CDH3: variants seen among roughly 807,000 people sequenced by gnomAD.
The protein encoded by CDH3 is cadherin 3, also known as cadherin-3.
Under a neutral mutation model 82.0 loss-of-function variants are expected in CDH3, and 54 were observed. The observed-to-expected ratio is 0.66, with a 90% CI of 0.53 to 0.83. CDH3 has a LOEUF of 0.83. Among genes scored for constraint, CDH3 ranks in the 40% least tolerant of loss-of-function variants. The pLI, the probability that CDH3 is intolerant of heterozygous loss-of-function variation, is 0.00. For missense variants in CDH3, 1,054 were observed against 1,084.6 expected (o/e 0.97, Z 0.40); for synonymous variants, 446 against 437.9 (o/e 1.02, Z -0.23).
intron 2 of CDH3, among the ~76,000 whole-genome samples, chr16:68,660,610 C>G (rs1044183656): frequency 6.6e-6 from 1 of 152,130 alleles, no homozygotes; most frequent in Non-Finnish European, 1.5e-5. Flanking sequence ...TCAAATATTG[C>G]TGCACTAAAG....
At chr16:68,668,399 T>C (rs1960795350) in intron 2 of CDH3, among the ~76,000 whole-genome samples, 1 of 152,176 alleles carries the variant, frequency 6.6e-6, no homozygotes, top group South Asian at 2.1e-4. Context: ...TGATGAGACC[T>C]GGTTTCGTAT....
chr16:68,714,081 A>G (rs1161389588), intron 1 of CDH3, among the ~76,000 whole-genome samples: 1 of 151,912 alleles, frequency 6.6e-6, no homozygotes, highest in Non-Finnish European at 1.5e-5. Flanking sequence ...TTACAGGTAC[A>G]CGCTACCATG....
chr16:68,676,438 G>A lies in CDH3; in HGVS notation c.214G>A (p.Asp72Asn), dbSNP rs538255856. 2.4e-5 allele frequency: 39 copies of A among 1,613,962 alleles called. No homozygotes were observed. Among genetic ancestry groups the A allele is most frequent in the Middle Eastern group, 1.6e-4 (1 of 6,062 alleles). Residue 72 changes from aspartate (D) to asparagine (N), a missense_variant, in exon 3 of 16, where the codon GAC (aspartate) becomes AAC (asparagine). Physicochemically the swap from Asp to Asn is conservative, Grantham distance 23. Coordinates refer to ENST00000264012, the MANE Select transcript of CDH3 (RefSeq NM_001793.6). ...AGCTCTGTTTAGCACTGATAATGAT[G>A]ACTTCACTGTGCGGAATGGCGAGAC... ...EPALFSTDND[D>N]FTVRNGETVQ...
intron 2 of CDH3, among the ~76,000 whole-genome samples, chr16:68,661,492 G>C (rs1960577805): frequency 3.9e-5 from 6 of 152,186 alleles, no homozygotes; most frequent in Admixed American, 3.9e-4. Context: ...TAGCAGTATT[G>C]TTATAGCTGG....
chr16:68,678,421 G>T (rs1389332852), intron 4 of CDH3, 80 bp from the exon 5 acceptor site: 133 of 1,580,002 alleles, frequency 8.4e-5, no homozygotes, highest in Non-Finnish European at 1.1e-4. Context: ...CTATGGCAGT[G>T]CCCCTCTTCA....
rs372760777 is a variant in CDH3, at chr16:68,679,429, C to T, written c.692-370C>T. On this transcript the variant is annotated intron_variant, in intron 6 of 15. Coordinates refer to ENST00000264012, the MANE Select transcript of CDH3 (RefSeq NM_001793.6). Reference sequence around the variant, plus strand: ...CTGATGGAGGCTGGGCGCGGTGGCCCACGCCTGGAACCCTAGAACTTCAGG... The same window carrying T: ...CTGATGGAGGCTGGGCGCGGTGGCCTACGCCTGGAACCCTAGAACTTCAGG... 6.6e-5 allele frequency among the ~76,000 whole-genome samples: 10 copies of T among 152,240 alleles called. No homozygotes were observed. The South Asian group carries it at 8.3e-4, about 13-fold the overall frequency.
In CDH3 at chr16:68,687,554, T is replaced by C. The variant is rs751316995; in HGVS notation, c.1613T>C (p.Leu538Pro). 1.2e-6 allele frequency: 2 copies of C among 1,614,084 alleles called. No individual in the cohort carries two copies. The highest frequency in any genetic ancestry group is 3.3e-5 in the Admixed American group (2 of 60,016). ...GGCACGGGAACCCTTCTGCTAACACTGATTGATGTCAATGACCATGGCCCA... is the reference window on the plus strand; with the variant it reads ...GGCACGGGAACCCTTCTGCTAACACCGATTGATGTCAATGACCATGGCCCA... ...TTGTGTLLLT[L>P]IDVNDHGPVP... is the part of the protein sequence containing the mutation. The change falls in exon 12 of 16, where the codon CTG becomes CCG. Residue 538 changes from leucine to proline, a missense_variant. Transcript: ENST00000264012.
chr16:68,679,636 A>G (rs549840001), intron 6 of CDH3, among the ~76,000 whole-genome samples, 163 bp from the exon 7 acceptor site: 2 of 132,966 alleles, frequency 1.5e-5, no homozygotes, highest in Admixed American at 1.7e-4. Flanking sequence ...CAGAGGTTGC[A>G]GTGAGTCGAG....
intron 2 of CDH3, among the ~76,000 whole-genome samples, chr16:68,670,303 T>C (rs1010233990): frequency 3.9e-5 from 6 of 151,938 alleles, no homozygotes; most frequent in Non-Finnish European, 7.4e-5. Flanking sequence ...AACCTGGCTT[T>C]AGAACCTGAC....
At chr16:68,712,664 C>G (rs186257966) in intron 1 of CDH3, among the ~76,000 whole-genome samples, 1 of 151,646 alleles carries the variant, frequency 6.6e-6, no homozygotes, top group East Asian at 1.9e-4. Context: ...AATTTGAACT[C>G]AGGACCTCTC....
At chr16:68,691,339 A>T (rs568498454) in intron 12 of CDH3, among the ~76,000 whole-genome samples, 10 of 148,386 alleles carry the variant, frequency 6.7e-5, no homozygotes, top group African/African-American at 2.3e-4. Context: ...CTTTTACTTT[A>T]AAAAAAAAAT....
chr16:68,708,325 C>CA lies in CDH3; in HGVS notation c.99+12416dup, dbSNP rs774076982. Among the ~76,000 whole-genome samples, 621 of 123,144 alleles carry CA rather than the reference C, an allele frequency of 5.0e-3. 1 individual carries two copies. Among genetic ancestry groups the CA allele is most frequent in the African/African-American group, 8.1e-3 (280 of 34,506 alleles). 80.8% of individuals were successfully genotyped at this position (123,144 alleles called of 152,430 possible). On this transcript the variant is annotated intron_variant, in intron 1 of 2. Coordinates refer to the CDH3 transcript ENST00000569080. ...CTGGGTGACGAGCAAAATTCCATCT[C>CA]AAAAAAAAAAAAAAGATAATTAGTA...
At chr16:68,681,234 C>G in intron 8 of CDH3, 138 bp downstream of exon 8, 1 of 865,740 alleles carries the variant, frequency 1.2e-6, no homozygotes, top group Non-Finnish European at 1.9e-6. Flanking sequence ...GGAAAACTAC[C>G]TAACCTCTCT....
intron 12 of CDH3, among the ~76,000 whole-genome samples, chr16:68,690,528 G>C (rs11866266): frequency 1.3e-5 from 2 of 152,166 alleles, no homozygotes; most frequent in South Asian, 4.1e-4. Context: ...CAGGAGAATC[G>C]CTTGAGCCCA....
chr16:68,700,722 G>T (rs1203721149), downstream of CDH3, among the ~76,000 whole-genome samples: 2 of 152,168 alleles, frequency 1.3e-5, no homozygotes, highest in Non-Finnish European at 2.9e-5. Context: ...TTAGCTGGGT[G>T]TGGCGCCTAT....
At chr16:68,648,210 G>T (rs1762246455) in intron 2 of CDH3, among the ~76,000 whole-genome samples, 1 of 152,174 alleles carries the variant, frequency 6.6e-6, no homozygotes, top group Non-Finnish European at 1.5e-5. Flanking sequence ...GATTCACTAA[G>T]CCAAACAGCT....
At position 68,678,756 on chromosome 16, in the gene CDH3, C is replaced by T. The variant is rs1310360980; in HGVS notation, c.547-6C>T. ...CGGGCTGACCCCAGAGCTGTGTACC[C>T]CACAGCTCTTTGGCCACGCTGTGTC... On this transcript the variant is annotated splice_region_variant and splice_polypyrimidine_tract_variant and intron_variant, in intron 5 of 15. Coordinates refer to ENST00000264012, the MANE Select transcript of CDH3 (RefSeq NM_001793.6). 2 of 1,614,038 alleles carry T rather than the reference C, an allele frequency of 1.2e-6. No homozygotes were observed. Among genetic ancestry groups the T allele is most frequent in the Non-Finnish European group, 1.7e-6 (2 of 1,179,928 alleles).
chr16:68,658,901 G>A (rs958501366), intron 2 of CDH3, among the ~76,000 whole-genome samples: 4 of 151,896 alleles, frequency 2.6e-5, no homozygotes, highest in Admixed American at 6.6e-5. Context: ...TTTTTTTATC[G>A]TCTCCTCCCC....
chr16:68,723,097 G>C (rs1962182416), intron 2 of CDH3, among the ~76,000 whole-genome samples: 1 of 150,184 alleles, frequency 6.7e-6, no homozygotes, highest in African/African-American at 2.5e-5. Flanking sequence ...CATATAAAGA[G>C]AATAAATGTA....
Sources: allele counts gnomAD v4.1 joint callset (sites outside exome capture counted in the v4.1 genomes callset), GRCh38; gene constraint gnomAD v4.1.1; transcripts MANE v1.5; gene names NCBI Gene and HGNC (gene_info 2026-07-23, HGNC 2026-07-21).